STAC: variants seen among roughly 807,000 people sequenced by gnomAD.
STAC encodes the protein SH3 and cysteine-rich domain-containing protein.
A neutral mutation model predicts 48.8 loss-of-function variants in STAC; 43 were observed. The observed-to-expected ratio is 0.88, with a 90% CI of 0.69 to 1.14. STAC has a LOEUF of 1.14. STAC is among the 50% of genes most tolerant of loss of function. The probability of loss-of-function intolerance (pLI) is 0.00; values close to 1 mark genes in which losing one functional copy is unlikely to be tolerated. For missense variants in STAC, 497 were observed against 504.0 expected (o/e 0.99, Z 0.13); for synonymous variants, 193 against 179.5 (o/e 1.07, Z -0.60).
At chr3:36,526,449 G>C (rs780055403) in intron 8 of STAC, among the ~76,000 whole-genome samples, 1 of 152,094 alleles carries the variant, frequency 6.6e-6, no homozygotes, top group Non-Finnish European at 1.5e-5. Context: ...ATGTTTCCAC[G>C]CACTGCTCCT....
At chr3:36,393,982 G>C (rs962010963) in intron 1 of STAC, among the ~76,000 whole-genome samples, 3 of 151,888 alleles carry the variant, frequency 2.0e-5, no homozygotes, top group African/African-American at 7.3e-5. Context: ...AGCTGGCGGT[G>C]GGGGAGAGAT....
intron 1 of STAC, among the ~76,000 whole-genome samples, chr3:36,439,892 A>G (rs1696290683): frequency 6.6e-6 from 1 of 152,200 alleles, no homozygotes; most frequent in Non-Finnish European, 1.5e-5. Flanking sequence ...AAGATACACT[A>G]GCTTATGCCT....
chr3:36,506,040 C>T, intron 8 of STAC: 1 of 403,232 alleles, frequency 2.5e-6, no homozygotes, highest in East Asian at 4.2e-5. Flanking sequence ...GGCAGGGCCT[C>T]AGAAGTTGCA....
chr3:36,399,019 T>A (rs571865550), intron 1 of STAC, among the ~76,000 whole-genome samples: 39 of 152,238 alleles, frequency 2.6e-4, no homozygotes, highest in Non-Finnish European at 3.4e-4. Context: ...TACCTTGGCC[T>A]GACCCACATG....
chr3:36,540,376 T>C (rs1019388350), intron 10 of STAC, among the ~76,000 whole-genome samples: 5 of 152,076 alleles, frequency 3.3e-5, no homozygotes, highest in Non-Finnish European at 7.4e-5. Context: ...AAAAGGGACT[T>C]TGCAGATGTG....
chr3:36,461,138 T>G (rs1697005971), intron 2 of STAC, among the ~76,000 whole-genome samples: 1 of 152,178 alleles, frequency 6.6e-6, no homozygotes, highest in Non-Finnish European at 1.5e-5. Flanking sequence ...TTCTAAATAT[T>G]TTGCATGTAC....
chr3:36,386,989 C>T (rs764479425), intron 1 of STAC, among the ~76,000 whole-genome samples: 4 of 151,962 alleles, frequency 2.6e-5, no homozygotes, highest in Non-Finnish European at 5.9e-5. Context: ...TGTTCTCACT[C>T]CAGAGTATTT....
chr3:36,479,507 A>G (rs1697587622), intron 2 of STAC, among the ~76,000 whole-genome samples: 1 of 152,198 alleles, frequency 6.6e-6, no homozygotes, highest in African/African-American at 2.4e-5. Flanking sequence ...GGGTGTTGGT[A>G]GGACTAAGTG....
In STAC at chr3:36,460,570, A is replaced by C. The variant is rs1575214905; in HGVS notation, c.388+16930A>C. ...TTTATGGTTGTTACAACTGTAGGAG[A>C]AGGGGTGCTGCCGGCATTAGTGGGT... On this transcript the variant is annotated intron_variant, in intron 2 of 10. Coordinates refer to ENST00000273183, the MANE Select transcript of STAC (RefSeq NM_003149.3). Among the ~76,000 whole-genome samples the C allele has an allele frequency of 3.3e-5, 5 of 152,122 alleles. No homozygotes were observed. In the East Asian group the frequency reaches 9.6e-4, roughly 29 times the overall value.
At chr3:36,513,857 AG>A (rs1340251720) in intron 8 of STAC, among the ~76,000 whole-genome samples, 2 of 151,308 alleles carry the variant, frequency 1.3e-5, no homozygotes, top group African/African-American at 4.9e-5. Flanking sequence ...AAAGGGGGGG[AG>A]GGGAGAAGAG....
chr3:36,524,059 G>A (rs1698867887), intron 8 of STAC, among the ~76,000 whole-genome samples: 2 of 152,164 alleles, frequency 1.3e-5, no homozygotes, highest in Non-Finnish European at 2.9e-5. Context: ...GGTTTCCAGG[G>A]GCTCCCTGTA....
intron 2 of STAC, among the ~76,000 whole-genome samples, chr3:36,464,738 T>C (rs979513176): frequency 6.6e-6 from 1 of 152,190 alleles, no homozygotes; most frequent in Non-Finnish European, 1.5e-5. Flanking sequence ...ATTGGAACAA[T>C]AGTCTCCGAT....
rs111382852 is a variant in STAC, at chr3:36,529,840, G to A, written c.1110+855G>A. Among the ~76,000 whole-genome samples, 1,094 of 152,106 alleles carry A rather than the reference G, an allele frequency of 7.2e-3. 11 individuals are homozygous for A. The highest frequency in any genetic ancestry group is 0.014 in the South Asian group (69 of 4,792). ...AGTAAAATAATATGCTTGGACTTAC[G>A]GCAGGGCTCGGTGGCTCACGCCTGT... On this transcript the variant is annotated intron_variant, in intron 10 of 10. Coordinates refer to ENST00000273183, the MANE Select transcript of STAC (RefSeq NM_003149.3).
At chr3:36,458,477 G>T (rs548663760) in intron 2 of STAC, among the ~76,000 whole-genome samples, 1 of 152,188 alleles carries the variant, frequency 6.6e-6, no homozygotes. Context: ...GCATTTGTAA[G>T]CCCTGGTTCG....
intron 2 of STAC, among the ~76,000 whole-genome samples, chr3:36,449,067 T>C (rs1696606650): frequency 6.6e-6 from 1 of 152,082 alleles, no homozygotes; most frequent in South Asian, 2.1e-4. Flanking sequence ...TACGATGAGC[T>C]ATGATCACAC....
intron 10 of STAC, among the ~76,000 whole-genome samples, chr3:36,545,703 T>G (rs1000183301): frequency 2.0e-5 from 3 of 152,220 alleles, no homozygotes; most frequent in African/African-American, 7.2e-5. Flanking sequence ...TAGCATCTAT[T>G]TGCTTGAGGC....
intron 10 of STAC, among the ~76,000 whole-genome samples, chr3:36,531,955 A>T (rs1699082958): frequency 6.6e-6 from 1 of 152,228 alleles, no homozygotes; most frequent in African/African-American, 2.4e-5. Flanking sequence ...CATTTAAATT[A>T]CTTTCATGGT....
Position 36,546,237 on chromosome 3 carries a change from T to C in STAC, c.1157T>C (p.Leu386Pro). 1 of 1,614,064 alleles carries C rather than the reference T, an allele frequency of 6.2e-7. No homozygotes were observed. The highest frequency in any genetic ancestry group is 8.5e-7 in the Non-Finnish European group (1 of 1,179,946). ...EEEQDGFIRV[L>P]SGKKKGLIPL... ...GAACAAGATGGTTTTATCAGAGTCC[T>C]CAGTGGAAAAAAGAAAGGCCTCATC... The change falls in exon 11 of 11, where the codon CTC becomes CCC. Residue 386 changes from leucine (L) to proline (P), a missense_variant. Transcript: ENST00000273183.
chr3:36,485,865 A>G (rs1697795434), intron 4 of STAC: 2 of 292,622 alleles, frequency 6.8e-6, no homozygotes, highest in African/African-American at 2.2e-5. Context: ...CCTGGAAATC[A>G]GAGAGGAATA....
Sources: allele counts gnomAD v4.1 joint callset (sites outside exome capture counted in the v4.1 genomes callset), GRCh38; gene constraint gnomAD v4.1.1; transcripts MANE v1.5; gene names NCBI Gene and HGNC (gene_info 2026-07-23, HGNC 2026-07-21).